The following MIB1 variants were observed in gnomAD, a reference collection of about 807,000 sequenced individuals.
MIB1 encodes the protein E3 ubiquitin-protein ligase MIB1.
MIB1 carries 278 observed loss-of-function variants against 124.5 expected under a neutral mutation model. That is an observed-to-expected ratio of 2.23 (90% CI 2.02 to 2.47). The LOEUF (loss-of-function observed/expected upper bound fraction) is 2.47, where lower values mean the gene tolerates loss of function less well. Among genes scored for constraint, MIB1 ranks in the 30% most tolerant of loss-of-function variants. The pLI is 0.00. For synonymous variants in MIB1, 446 were observed against 429.4 expected (o/e 1.04, Z -0.48); for missense variants, 957 against 1,254.4 (o/e 0.76, Z 3.58).
At chr18:21,826,785 T>A (rs1359428963) in intron 12 of MIB1, 1 of 152,012 alleles carries the variant, frequency 6.6e-6, no homozygotes. Context: ...ACAGTTACTA[T>A]TTTAAACTGA....
chr18:21,779,809 A>G (rs1250401923), intron 6 of MIB1, 124 bp downstream of exon 6: 1 of 733,086 alleles, frequency 1.4e-6, no homozygotes, highest in East Asian at 2.5e-5. Flanking sequence ...ATGGTAAGTA[A>G]AAATCCAGAA....
chr18:21,706,778 C>G (rs1467621631), intron 1 of MIB1, among the ~76,000 whole-genome samples: 1 of 152,190 alleles, frequency 6.6e-6, no homozygotes, highest in Non-Finnish European at 1.5e-5. Context: ...GGACCTGCAG[C>G]CCGCCATGCC....
chr18:21,853,090 A>G, intron 17 of MIB1, 50 bp from the exon 18 acceptor site: 1 of 1,211,960 alleles, frequency 8.3e-7, no homozygotes, highest in South Asian at 1.2e-5. Context: ...GTTAAGAGTT[A>G]CTAGATTTAT....
intron 17 of MIB1, among the ~76,000 whole-genome samples, chr18:21,851,820 G>A (rs2042182562): frequency 6.6e-6 from 1 of 152,154 alleles, no homozygotes; most frequent in Admixed American, 6.5e-5. Flanking sequence ...ACTCCTGGAA[G>A]TATAACCTGA....
chr18:21,731,993 G>T (rs1418133355), intron 1 of MIB1, among the ~76,000 whole-genome samples: 2 of 151,258 alleles, frequency 1.3e-5, no homozygotes, highest in East Asian at 3.9e-4. Context: ...TTACACTAAA[G>T]AAGAAGAAAA....
At chr18:21,845,592 C>CA (rs1369618188) in intron 15 of MIB1, among the ~76,000 whole-genome samples, 1 of 151,996 alleles carries the variant, frequency 6.6e-6, no homozygotes, top group Non-Finnish European at 1.5e-5. Flanking sequence ...CCAGTTGTTC[C>CA]AGTGCCATTA....
In MIB1 at chr18:21,815,672, T is replaced by TA. The variant is rs1165475060; in HGVS notation, c.1537dup (p.Ile513AsnfsTer8). 2 of 1,614,046 alleles carry TA rather than the reference T, an allele frequency of 1.2e-6. No homozygotes were observed. Among genetic ancestry groups the TA allele is most frequent in the Non-Finnish European group, 8.5e-7 (1 of 1,180,036 alleles). ...CAGCTTTTGGAGATGAAGGCGCTGT[T>TA]ATAGAAGTACTACATCGAGGTAGTG... On this transcript the variant is annotated frameshift_variant, in exon 11 of 21. Coordinates refer to ENST00000261537, the MANE Select transcript of MIB1 (RefSeq NM_020774.4). LOFTEE classifies it high-confidence loss of function.
intron 1 of MIB1, among the ~76,000 whole-genome samples, chr18:21,746,359 CATGAT>C (rs987384217): frequency 2.0e-4 from 31 of 152,266 alleles, no homozygotes; most frequent in African/African-American, 6.7e-4. Flanking sequence ...TCAGGACACA[CATGAT>C]ATGTTTGAAT....
At chr18:21,859,373 A>G (rs1267052630) in intron 20 of MIB1, among the ~76,000 whole-genome samples, 2 of 148,724 alleles carry the variant, frequency 1.3e-5, no homozygotes, top group Non-Finnish European at 3.0e-5. Context: ...AGCCTGGGTG[A>G]CAGAGTGAGA....
intron 1 of MIB1, among the ~76,000 whole-genome samples, chr18:21,733,311 TG>T (rs2040780802): frequency 6.6e-6 from 1 of 152,224 alleles, no homozygotes; most frequent in Admixed American, 6.5e-5. Context: ...AATATTTTTT[TG>T]TGGGGGTTCA....
intron 12 of MIB1, 84 bp from the exon 13 acceptor site, chr18:21,838,275 TAAAGAG>T: frequency 1.2e-6 from 1 of 816,032 alleles, no homozygotes; most frequent in African/African-American, 1.8e-5. Flanking sequence ...TTTTTTTCTT[TAAAGAG>T]GAGTATCTTC....
At chr18:21,742,340 T>A (rs2040863412) in intron 1 of MIB1, among the ~76,000 whole-genome samples, 1 of 151,962 alleles carries the variant, frequency 6.6e-6, no homozygotes, top group African/African-American at 2.4e-5. Context: ...AGCCAAATGT[T>A]ACTTGGGACT....
At chr18:21,806,775 C>T (rs1299180225) in intron 10 of MIB1, among the ~76,000 whole-genome samples, 5 of 151,974 alleles carry the variant, frequency 3.3e-5, no homozygotes, top group African/African-American at 4.8e-5. Context: ...AGGCGCACGC[C>T]GCCACACCTG....
intron 20 of MIB1, among the ~76,000 whole-genome samples, chr18:21,863,433 G>A (rs1408399013): frequency 6.6e-6 from 1 of 152,204 alleles, no homozygotes; most frequent in Admixed American, 6.5e-5. Flanking sequence ...AAGGCAGAGA[G>A]TTTTATTAAG....
At chr18:21,783,635 G>T (rs2041397594) in intron 6 of MIB1, among the ~76,000 whole-genome samples, 1 of 150,948 alleles carries the variant, frequency 6.6e-6, no homozygotes, top group Admixed American at 6.6e-5. Flanking sequence ...TTTGTTACTT[G>T]TTATTTGGTT....
intron 1 of MIB1, among the ~76,000 whole-genome samples, chr18:21,734,197 C>G (rs900491445): frequency 2.0e-5 from 3 of 150,840 alleles, no homozygotes; most frequent in Non-Finnish European, 1.5e-5. Flanking sequence ...AGCTCCGCCT[C>G]CCGGGTTCAC....
intron 6 of MIB1, among the ~76,000 whole-genome samples, chr18:21,780,784 CTTAG>C (rs1430744207): frequency 6.6e-6 from 1 of 152,074 alleles, no homozygotes; most frequent in Non-Finnish European, 1.5e-5. Flanking sequence ...TTTATGAACA[CTTAG>C]GTTGATTTCA....
intron 1 of MIB1, among the ~76,000 whole-genome samples, chr18:21,708,755 G>A (rs1469527839): frequency 6.6e-6 from 1 of 152,132 alleles, no homozygotes; most frequent in Non-Finnish European, 1.5e-5. Flanking sequence ...GTCTTCTTGG[G>A]TGATTACAGG....
intron 16 of MIB1, among the ~76,000 whole-genome samples, chr18:21,848,874 A>G (rs1035425572): frequency 6.6e-6 from 1 of 152,034 alleles, no homozygotes; most frequent in East Asian, 1.9e-4. Flanking sequence ...CTATATAGAT[A>G]CAACAGGTTC....
Sources: gnomAD v4.1 joint callset for allele counts (sites outside exome capture counted in the v4.1 genomes callset) on GRCh38, gnomAD v4.1.1 for gene constraint, MANE v1.5 for transcripts, NCBI Gene and HGNC (gene_info 2026-07-23, HGNC 2026-07-21) for gene names.